The following PTP4A1 variants were observed in gnomAD, a reference collection of about 807,000 sequenced individuals.
PTP4A1 encodes the protein protein tyrosine phosphatase 4A1.
In PTP4A1, 9 loss-of-function variants were observed where a neutral mutation model predicts 20.5. That is an observed-to-expected ratio of 0.44 (90% confidence interval 0.26 to 0.77). The LOEUF (loss-of-function observed/expected upper bound fraction) is 0.77. Among genes scored for constraint, PTP4A1 ranks in the 30% least tolerant of loss-of-function variants. PTP4A1 has a pLI of 0.19. For synonymous variants in PTP4A1, 78 were observed against 67.4 expected (o/e 1.16, Z -0.77); for missense variants, 137 against 218.8 (o/e 0.63, Z 2.36).
chr6:63,536,098 G>A (rs1394247044), intron 2 of PTP4A1, among the ~76,000 whole-genome samples: 2 of 151,796 alleles, frequency 1.3e-5, no homozygotes, highest in Non-Finnish European at 2.9e-5. Flanking sequence ...TTGGGAGGCC[G>A]AGGCCGGTGC....
intron 3 of PTP4A1, 152 bp downstream of exon 3, chr6:63,578,681 A>G (rs1490335333): frequency 7.8e-7 from 1 of 1,287,454 alleles, no homozygotes; most frequent in Non-Finnish European, 1.0e-6. Context: ...TTAATTTCTA[A>G]ATAAAGGTGA....
chr6:63,557,868 A>AT (rs1445935344), intron 3 of PTP4A1, among the ~76,000 whole-genome samples: 1 of 151,860 alleles, frequency 6.6e-6, no homozygotes, highest in Non-Finnish European at 1.5e-5. Context: ...TCAGATATGC[A>AT]TTTTTTAAAA....
intron 3 of PTP4A1, among the ~76,000 whole-genome samples, chr6:63,556,230 G>A (rs1478078631): frequency 2.0e-5 from 3 of 151,714 alleles, no homozygotes; most frequent in Non-Finnish European, 2.9e-5. Flanking sequence ...CACAATCACA[G>A]CTCACTGCAG....
rs529220052 is a variant in PTP4A1 at position 63,531,203 on chromosome 6, GT to G, written c.-640+3121del. Among the ~76,000 whole-genome samples, 374 of 152,222 alleles carry G rather than the reference GT, an allele frequency of 2.5e-3. 1 individual carries two copies. Among genetic ancestry groups the G allele is most frequent in the Non-Finnish European group, 4.2e-3 (287 of 68,018 alleles). ...AGCAATGAGGGCTACCTGCTTCCTG[GT>G]TCACAGCCAATGGGCAGAGACTGTC... On this transcript the variant is annotated intron_variant, in intron 2 of 3. Transcript: ENST00000639568.
chr6:63,578,351 CTGATCAGAGA>C, intron 2 of PTP4A1, 76 bp from the exon 3 acceptor site: 5 of 1,383,690 alleles, frequency 3.6e-6, no homozygotes. Context: ...AGCATACTTA[CTGATCAGAGA>C]TGATCAGAAT....
At chr6:63,524,329 G>C (rs1249578565) in intron 1 of PTP4A1, among the ~76,000 whole-genome samples, 1 of 152,196 alleles carries the variant, frequency 6.6e-6, no homozygotes. Flanking sequence ...AAGAATCCTA[G>C]AGGATATATT....
intron 1 of PTP4A1, 67 bp downstream of exon 1, chr6:63,572,786 C>G (rs1025876975): frequency 1.0e-5 from 4 of 397,864 alleles, no homozygotes; most frequent in Admixed American, 4.4e-5. Context: ...TCCCCGCTGT[C>G]GCCTTTGTTC....
At chr6:63,521,259 AAAG>A (rs1774915913), upstream of PTP4A1, among the ~76,000 whole-genome samples, 1 of 152,248 alleles carries the variant, frequency 6.6e-6, no homozygotes, top group Non-Finnish European at 1.5e-5. Context: ...CTGAGCAAGA[AAAG>A]AAAAAAACGG....
upstream of PTP4A1, among the ~76,000 whole-genome samples, chr6:63,518,517 G>A (rs901643890): frequency 1.3e-5 from 2 of 152,180 alleles, no homozygotes; most frequent in Non-Finnish European, 2.9e-5. Context: ...TTCCTTCTTT[G>A]AGGTTGAGAC....
intron 1 of PTP4A1, among the ~76,000 whole-genome samples, chr6:63,526,835 A>ATT (rs1243456253): frequency 7.8e-6 from 1 of 129,030 alleles, no homozygotes; most frequent in Non-Finnish European, 1.6e-5. Flanking sequence ...ATATATATAT[A>ATT]TTTATTTATT....
intron 2 of PTP4A1, among the ~76,000 whole-genome samples, chr6:63,530,476 A>G (rs183100898): frequency 5.3e-5 from 8 of 152,318 alleles, no homozygotes; most frequent in Non-Finnish European, 8.8e-5. Context: ...AGACGCCCAG[A>G]TGTAAATGGC....
intron 3 of PTP4A1, among the ~76,000 whole-genome samples, chr6:63,557,557 C>T (rs1255684675): frequency 6.6e-6 from 1 of 152,162 alleles, no homozygotes; most frequent in East Asian, 1.9e-4. Flanking sequence ...CAGAGTGAAA[C>T]TCCATTTCAT....
rs1012383829 is a variant in PTP4A1 at position 63,572,558 on chromosome 6, TAG to T, written c.-604_-603del. ...CTGCTCCGAGCCGCTCACTGCATGG[TAG>T]AGTCTGGTGCCCCCGCCGCCGCCTG... On this transcript the variant is annotated 5_prime_UTR_variant, in exon 1 of 6. The change creates a premature stop within an existing upstream ORF in the 5' untranslated region. Transcript: ENST00000626021. 13 of 409,324 alleles carry T rather than the reference TAG, an allele frequency of 3.2e-5. No individual in the cohort carries two copies. The highest frequency in any genetic ancestry group is 2.3e-4 in the African/African-American group (11 of 48,590). The allele number at this position is 409,324 out of a possible 1,614,324, so 25.4% of individuals were successfully genotyped here.
intron 2 of PTP4A1, among the ~76,000 whole-genome samples, chr6:63,537,383 A>G (rs1262599999): frequency 3.9e-5 from 6 of 152,134 alleles, no homozygotes; most frequent in Non-Finnish European, 8.8e-5. Context: ...AAGAGGAAAA[A>G]CCATATTAGT....
upstream of PTP4A1, among the ~76,000 whole-genome samples, chr6:63,569,801 G>A (rs1030891310): frequency 1.3e-5 from 2 of 152,116 alleles, no homozygotes; most frequent in African/African-American, 4.8e-5. Flanking sequence ...CCTTTTTGAT[G>A]TCTGGAAGCA....
Position 63,581,853 on chromosome 6 carries a change from AT to A in PTP4A1, c.*1682del, listed in dbSNP as rs1778253562. 1 of 152,154 alleles carries A rather than the reference AT, an allele frequency of 6.6e-6. No individual in the cohort carries two copies. Among genetic ancestry groups the A allele is most frequent in the African/African-American group, 2.4e-5 (1 of 41,454 alleles). The allele number at this position is 152,154 out of a possible 1,614,324, so 9.4% of individuals were successfully genotyped here. On this transcript the variant is annotated 3_prime_UTR_variant, in exon 6 of 6. Coordinates refer to ENST00000626021, the MANE Select transcript of PTP4A1 (RefSeq NM_003463.5). ...TTTTGAAATTAATTTAAATATTAGT[AT>A]TTGGTACATGAAGGCTTAATGTTAA...
In PTP4A1 at chr6:63,540,508, CT is replaced by C. The variant is rs140979481; in HGVS notation, c.-639-9791del. ...TGGTGGTGCATGCCTGTAATCCCAG[CT>C]ACTCAAGAGGCTGAGGCATGAGAAT... On this transcript the variant is annotated intron_variant, in intron 2 of 3. Coordinates refer to the PTP4A1 transcript ENST00000639568. Among the ~76,000 whole-genome samples, 164 of 152,140 alleles carry C rather than the reference CT, an allele frequency of 1.1e-3. 1 individual carries two copies. The highest frequency in any genetic ancestry group is 1.7e-3 in the Non-Finnish European group (119 of 68,014).
rs889961243 is a variant in PTP4A1 at position 63,559,435 on chromosome 6, A to T, written c.-446+8942A>T. Reference sequence around the variant, plus strand: ...AAAAATGGCTTAAACGCAGCAAAAAAAATCATTTGGTTTAAAAAATGAATT... The same window carrying T: ...AAAAATGGCTTAAACGCAGCAAAAATAATCATTTGGTTTAAAAAATGAATT... On this transcript the variant is annotated intron_variant, in intron 3 of 3. Transcript: ENST00000639568. Among the ~76,000 whole-genome samples, 3 of 152,168 alleles carry T rather than the reference A, an allele frequency of 2.0e-5. No homozygotes were observed. In the East Asian group the frequency reaches 5.8e-4, roughly 29 times the overall value.
At chr6:63,526,701 C>T (rs148248486) in intron 1 of PTP4A1, among the ~76,000 whole-genome samples, 2,860 of 150,176 alleles carry the variant, frequency 0.019, 46 homozygotes, top group Middle Eastern at 0.038. Flanking sequence ...TCAGCTACTC[C>T]GGAGGCTGCA....
Sources: allele counts gnomAD v4.1 joint callset (sites outside exome capture counted in the v4.1 genomes callset), GRCh38; gene constraint gnomAD v4.1.1; transcripts MANE v1.5; gene names NCBI Gene and HGNC (gene_info 2026-07-23, HGNC 2026-07-21).